The following PYGL variants were observed in gnomAD, a reference collection of about 807,000 sequenced individuals.
PYGL encodes glycogen phosphorylase, liver form.
A neutral mutation model predicts 100.1 loss-of-function variants in PYGL; 90 were observed. The ratio of observed to expected loss-of-function variants is 0.90; its 90% CI spans 0.76 to 1.07. PYGL has a LOEUF of 1.07. Among genes scored for constraint, PYGL ranks in the 50% least tolerant of loss-of-function variants. PYGL has a pLI of 0.00. For missense variants in PYGL, 1,016 were observed against 1,057.6 expected (o/e 0.96, Z 0.55); for synonymous variants, 373 against 393.0 (o/e 0.95, Z 0.60).
In PYGL at chr14:50,911,988, A is replaced by G. The variant is rs563548539; in HGVS notation, c.1817T>C (p.Ile606Thr). 6.2e-6 allele frequency: 10 copies of G among 1,613,792 alleles called. No homozygotes were observed. Among genetic ancestry groups the G allele is most frequent in the African/African-American group, 4.0e-5 (3 of 75,032 alleles). The change falls in exon 15 of 20, where the codon ATT becomes ACT. Residue 606 changes from isoleucine to threonine, a missense_variant. Transcript: ENST00000216392. Reference protein sequence around the residue: ...KKLFVPRTVIIGGKAAPGYHM... With the variant: ...KKLFVPRTVITGGKAAPGYHM... ...ATAGATTCAACTTACTTTACCACCAATGATAACTGTCCTTGGCACGAATAA... is the reference window on the plus strand; with the variant it reads ...ATAGATTCAACTTACTTTACCACCAGTGATAACTGTCCTTGGCACGAATAA...
In PYGL at chr14:50,944,382, G is replaced by C; in HGVS notation, c.22C>G (p.Gln8Glu). Residue 8 changes from glutamine (Q) to glutamate (E), a missense_variant, in exon 1 of 20, where the codon CAG (glutamine) becomes GAG (glutamate). Physicochemically the swap from Gln to Glu is conservative, Grantham distance 29. Coordinates refer to ENST00000216392, the MANE Select transcript of PYGL (RefSeq NM_002863.5). ...ATGCTGATCTGCCGCCGCTTCTCCTGGTCCGTCAGGGGCTTCGCCATGGCT... is the reference window on the plus strand; with the variant it reads ...ATGCTGATCTGCCGCCGCTTCTCCTCGTCCGTCAGGGGCTTCGCCATGGCT... MAKPLTDQEKRRQISIRG... is the reference protein window; with the variant it reads MAKPLTDEEKRRQISIRG... The C allele has an allele frequency of 6.2e-7, 1 of 1,612,774 alleles. No individual in the cohort carries two copies. The highest frequency in any genetic ancestry group is 8.5e-7 in the Non-Finnish European group (1 of 1,179,670).
In PYGL at chr14:50,916,712, G is replaced by A; in HGVS notation, c.1022C>T (p.Thr341Ile). ...PDQVAIQLND[T>I]HPALAIPELM... ...CTCAGGGATCGCGAGTGCAGGGTGA[G>A]TGTCATTCAGCTGGATGGCCACCTG... The change falls in exon 9 of 20, where the codon ACT becomes ATT. Residue 341 changes from threonine to isoleucine, a missense_variant. By Grantham distance (89) the Thr-to-Ile change is moderately conservative (BLOSUM62 -1). Coordinates refer to ENST00000216392, the MANE Select transcript of PYGL (RefSeq NM_002863.5). 1.2e-6 allele frequency: 2 copies of A among 1,614,136 alleles called. No individual in the cohort carries two copies. Among genetic ancestry groups the A allele is most frequent in the Non-Finnish European group, 1.7e-6 (2 of 1,179,964 alleles).
intron 7 of PYGL, among the ~76,000 whole-genome samples, chr14:50,917,674 AC>A (rs2050466398): frequency 7.3e-6 from 1 of 137,846 alleles, no homozygotes; most frequent in Non-Finnish European, 1.7e-5. Context: ...GTGGAGAACC[AC>A]AACTAGCTGA....
Position 50,914,496 on chromosome 14 carries a change from C to CAATAAT in PYGL, c.1518+199_1518+204dup, listed in dbSNP as rs58316457. Among the ~76,000 whole-genome samples, 13,255 of 148,450 alleles carry CAATAAT rather than the reference C, an allele frequency of 0.089. 1,231 individuals are homozygous for CAATAAT. The highest frequency in any genetic ancestry group is 0.24 in the African/African-American group (9,571 of 40,018). On this transcript the variant is annotated intron_variant, in intron 12 of 19. Transcript: ENST00000216392. The stretch of plus-strand genomic sequence containing the variant: ...TGGGTGATAGAGTGAAACTCTGTCT[C>CAATAAT]AATAATAATAATAATAATAATAATA...
chr14:50,937,026 A>C (rs2050659978), intron 2 of PYGL, among the ~76,000 whole-genome samples: 2 of 152,176 alleles, frequency 1.3e-5, no homozygotes, highest in Admixed American at 6.5e-5. Context: ...TCTTGAGCGA[A>C]GGACACATGA....
chr14:50,908,108 T>C, intron 19 of PYGL, 163 bp downstream of exon 19: 1 of 571,858 alleles, frequency 1.7e-6, no homozygotes, highest in South Asian at 2.3e-5. Flanking sequence ...AAGGTTTTTT[T>C]TTTTGTTGTG....
In PYGL at chr14:50,912,009, A is replaced by G. The variant is rs2050403993; in HGVS notation, c.1796T>C (p.Phe599Ser). 1 of 1,613,970 alleles carries G rather than the reference A, an allele frequency of 6.2e-7. No homozygotes were observed. Among genetic ancestry groups the G allele is most frequent in the Admixed American group, 1.7e-5 (1 of 60,014 alleles). The stretch of plus-strand genomic sequence containing the variant: ...ACCAATGATAACTGTCCTTGGCACG[A>G]ATAACTTCTTAGGGTCTTTCTTAAT... ...NRIKKDPKKLFVPRTVIIGGK... is the reference protein window; with the variant it reads ...NRIKKDPKKLSVPRTVIIGGK... The change falls in exon 15 of 20, where the codon TTC (phenylalanine) becomes TCC (serine). Residue 599 changes from phenylalanine (F) to serine (S), a missense_variant. Phe to Ser is a radical substitution (Grantham distance 155, BLOSUM62 -2). Transcript: ENST00000216392.
chr14:50,928,821 A>C (rs1416477206), intron 4 of PYGL, among the ~76,000 whole-genome samples: 1 of 152,184 alleles, frequency 6.6e-6, no homozygotes, highest in Non-Finnish European at 1.5e-5. Flanking sequence ...CTATACTCTG[A>C]AAAGGCCTGC....
rs891292267 is a variant in PYGL, at chr14:50,942,167, A to T, written c.243+1994T>A. Among the ~76,000 whole-genome samples the T allele has an allele frequency of 4.0e-5, 6 of 151,784 alleles. 1 individual carries two copies. The highest frequency in any genetic ancestry group is 7.4e-5 in the Non-Finnish European group (5 of 67,966). Reference sequence around the variant, plus strand: ...TTTAGACAGACGACTGTGATGGAGTAGATATTTGATGAACACGTGTGGAAT... The same window carrying T: ...TTTAGACAGACGACTGTGATGGAGTTGATATTTGATGAACACGTGTGGAAT... On this transcript the variant is annotated intron_variant, in intron 1 of 19. Coordinates refer to ENST00000216392, the MANE Select transcript of PYGL (RefSeq NM_002863.5).
At chr14:50,933,603 G>T (rs952730280) in intron 3 of PYGL, among the ~76,000 whole-genome samples, 3 of 152,022 alleles carry the variant, frequency 2.0e-5, no homozygotes, top group African/African-American at 7.3e-5. Flanking sequence ...AATATTAAAA[G>T]TTACAGACAA....
Position 50,908,958 on chromosome 14 carries a change from G to C in PYGL, c.2178-3C>G. ...CATAGTATTCTTTTGCCTCGTACCT[G>C]TGGGGTAGGGGTGGGTGGGTGATAA... On this transcript the variant is annotated splice_polypyrimidine_tract_variant and splice_region_variant and intron_variant, in intron 17 of 19. Coordinates refer to ENST00000216392, the MANE Select transcript of PYGL (RefSeq NM_002863.5). The C allele has an allele frequency of 3.8e-6, 6 of 1,591,270 alleles. No homozygotes were observed. The highest frequency in any genetic ancestry group is 5.1e-6 in the Non-Finnish European group (6 of 1,165,982).
chr14:50,936,447 A>G (rs1204014369), intron 2 of PYGL, among the ~76,000 whole-genome samples: 4 of 152,204 alleles, frequency 2.6e-5, no homozygotes, highest in African/African-American at 4.8e-5. Context: ...AGAGCTTACT[A>G]GGTTCCTGGT....
At chr14:50,921,402 T>TC (rs2050500853) in intron 5 of PYGL, 1 of 228,996 alleles carries the variant, frequency 4.4e-6, no homozygotes, top group Non-Finnish European at 8.7e-6. Flanking sequence ...GTTTATCTTT[T>TC]TTTTTTTTTG....
At chr14:50,917,872 T>C (rs1423243140) in intron 7 of PYGL, among the ~76,000 whole-genome samples, 2 of 152,200 alleles carry the variant, frequency 1.3e-5, no homozygotes, top group African/African-American at 4.8e-5. Context: ...TCGATTTTTA[T>C]AGATCATGGA....
Position 50,915,640 on chromosome 14 carries a change from T to C in PYGL, c.1240-141A>G, listed in dbSNP as rs1890701. ...ACAGGGAGGGGTTGAGTTAGCTCTA[T>C]GGAGGTGCCATCCCTCCATTTCAGC... is the stretch of plus-strand genomic sequence containing the variant. On this transcript the variant is annotated intron_variant, in intron 10 of 19. Coordinates refer to ENST00000216392, the MANE Select transcript of PYGL (RefSeq NM_002863.5). The C allele has an allele frequency of 1, 1,380,410 of 1,381,384 alleles. 689,723 individuals carry two copies. Among genetic ancestry groups the C allele is most frequent in the East Asian group, 1 (41,368 of 41,370 alleles). 85.6% of individuals were successfully genotyped at this position (1,381,384 alleles called of 1,614,324 possible).
intron 1 of PYGL, among the ~76,000 whole-genome samples, chr14:50,941,826 C>T (rs1001153267): frequency 6.6e-6 from 1 of 152,030 alleles, no homozygotes; most frequent in Non-Finnish European, 1.5e-5. Context: ...TGCAGTGAGC[C>T]GAGATTGCAT....
intron 3 of PYGL, among the ~76,000 whole-genome samples, chr14:50,934,464 G>A (rs984487546): frequency 1.3e-4 from 20 of 152,110 alleles, no homozygotes; most frequent in African/African-American, 2.7e-4. Context: ...TGACCTAGAC[G>A]TACTTTACTG....
chr14:50,939,061 G>A (rs189417898), intron 1 of PYGL, among the ~76,000 whole-genome samples: 1 of 152,230 alleles, frequency 6.6e-6, no homozygotes, highest in East Asian at 1.9e-4. Flanking sequence ...GATTGATTGA[G>A]ACACAGTCTC....
chr14:50,925,078 A>T (rs896153392), intron 4 of PYGL, among the ~76,000 whole-genome samples: 8 of 152,246 alleles, frequency 5.3e-5, no homozygotes, highest in African/African-American at 1.9e-4. Flanking sequence ...GTGCACTTAC[A>T]CAAACCCAGA....
Sources: allele counts gnomAD v4.1 joint callset (sites outside exome capture counted in the v4.1 genomes callset), GRCh38; gene constraint gnomAD v4.1.1; transcripts MANE v1.5; gene names NCBI Gene and HGNC (gene_info 2026-07-23, HGNC 2026-07-21).